The following MARCHF1 variants were observed in gnomAD, a reference collection of about 807,000 sequenced individuals.
The protein encoded by MARCHF1 is E3 ubiquitin-protein ligase MARCHF1.
A neutral mutation model predicts 54.2 loss-of-function variants in MARCHF1; 40 were observed. The ratio of observed to expected loss-of-function variants is 0.74; its 90% CI spans 0.57 to 0.96. The LOEUF is 0.96. Among genes scored for constraint, MARCHF1 ranks in the 40% least tolerant of loss-of-function variants. The probability of loss-of-function intolerance (pLI) is 0.00; values close to 1 mark genes in which losing one functional copy is unlikely to be tolerated. For synonymous variants in MARCHF1, 236 were observed against 236.3 expected (o/e 1.00, Z 0.01); for missense variants, 586 against 656.5 (o/e 0.89, Z 1.17).
chr4:163,793,810 T>C (rs547779107), intron 4 of MARCHF1, among the ~76,000 whole-genome samples: 1 of 152,252 alleles, frequency 6.6e-6, no homozygotes, highest in African/African-American at 2.4e-5. Context: ...ACGTACCCCC[T>C]GCTTGCTCAG....
In MARCHF1 at chr4:163,972,713, A is replaced by ATTT. The variant is rs34422259; in HGVS notation, c.-39+15785_-39+15787dup. The stretch of plus-strand genomic sequence containing the variant: ...AGGCGCCCGCCACCATGGCCGGCTA[A>ATTT]TTTTTTTTTTTTTTTTTGTATTTTT... On this transcript the variant is annotated intron_variant, in intron 3 of 9. Transcript: ENST00000514618. Among the ~76,000 whole-genome samples, 98 of 139,482 alleles carry ATTT rather than the reference A, an allele frequency of 7.0e-4. 1 individual carries two copies. The highest frequency in any genetic ancestry group is 1.9e-3 in the Admixed American group (27 of 13,880). The allele number at this position is 139,482 out of a possible 152,430, so 91.5% of individuals were successfully genotyped here.
intron 1 of MARCHF1, among the ~76,000 whole-genome samples, chr4:164,228,650 C>T (rs1451039439): frequency 6.6e-6 from 1 of 151,992 alleles, no homozygotes; most frequent in Non-Finnish European, 1.5e-5. Context: ...AATTCATGGC[C>T]CTTTACAATT....
chr4:163,964,072 C>T (rs1233186269), intron 3 of MARCHF1, among the ~76,000 whole-genome samples: 3 of 151,926 alleles, frequency 2.0e-5, no homozygotes, highest in Non-Finnish European at 2.9e-5. Context: ...CCCCAGAGCT[C>T]GAACAGGGTA....
intron 3 of MARCHF1, among the ~76,000 whole-genome samples, chr4:163,865,894 G>C (rs942946058): frequency 2.0e-5 from 3 of 151,476 alleles, no homozygotes; most frequent in Non-Finnish European, 4.4e-5. Flanking sequence ...ATTAAAAAAA[G>C]TCATCTACAA....
At chr4:163,862,062 A>C (rs1381113640) in intron 3 of MARCHF1, among the ~76,000 whole-genome samples, 1 of 152,090 alleles carries the variant, frequency 6.6e-6, no homozygotes, top group East Asian at 1.9e-4. Flanking sequence ...ACAAAAATTA[A>C]CTGAAAATGA....
chr4:163,829,460 T>C (rs1560775943), intron 4 of MARCHF1, among the ~76,000 whole-genome samples: 1 of 152,176 alleles, frequency 6.6e-6, no homozygotes, highest in Non-Finnish European at 1.5e-5. Flanking sequence ...CTATCCTATT[T>C]TGACTTATGC....
intron 5 of MARCHF1, among the ~76,000 whole-genome samples, chr4:163,641,942 G>A (rs962762800): frequency 1.3e-5 from 2 of 152,078 alleles, no homozygotes; most frequent in Non-Finnish European, 2.9e-5. Flanking sequence ...TAACACCTAT[G>A]TCTTCTGTCC....
In MARCHF1 at chr4:164,204,120, A is replaced by G. The variant is rs186136152; in HGVS notation, c.-322-92458T>C. 2.1e-3 allele frequency among the ~76,000 whole-genome samples: 314 copies of G among 152,198 alleles called. 8 individuals are homozygous for G. The highest frequency in any genetic ancestry group is 1.2e-4 in the Non-Finnish European group (8 of 67,994). On this transcript the variant is annotated intron_variant, in intron 1 of 9. Transcript: ENST00000514618. ...CTATATATGAGAAACAGGCTTGATT[A>G]TGTTTCTCTGTCTAAGCATAGTTGA...
chr4:163,930,250 A>G (rs887012674), intron 3 of MARCHF1, among the ~76,000 whole-genome samples: 2 of 151,352 alleles, frequency 1.3e-5, no homozygotes, highest in Non-Finnish European at 2.9e-5. Context: ...AAAAATAAAG[A>G]CACTGATATT....
At chr4:163,635,688 C>G (rs1428414163) in intron 5 of MARCHF1, among the ~76,000 whole-genome samples, 3 of 151,410 alleles carry the variant, frequency 2.0e-5, no homozygotes, top group Admixed American at 6.6e-5. Context: ...GGTACCATTC[C>G]TTCTGAAACT....
At chr4:164,227,940 T>G (rs1732305252) in intron 1 of MARCHF1, among the ~76,000 whole-genome samples, 1 of 152,190 alleles carries the variant, frequency 6.6e-6, no homozygotes, top group African/African-American at 2.4e-5. Flanking sequence ...TTCCCTTTAT[T>G]GCTTCCCAGA....
At chr4:163,889,973 G>A (rs1386424535) in intron 3 of MARCHF1, among the ~76,000 whole-genome samples, 1 of 138,892 alleles carries the variant, frequency 7.2e-6, no homozygotes, top group East Asian at 2.1e-4. Flanking sequence ...TGCCCAGGCT[G>A]GAGTGCAGTG....
chr4:163,767,694 T>C (rs577368809), intron 4 of MARCHF1, among the ~76,000 whole-genome samples: 2 of 152,292 alleles, frequency 1.3e-5, no homozygotes, highest in South Asian at 4.1e-4. Flanking sequence ...TTCCGCCTTA[T>C]GTTCTGATCT....
At chr4:163,679,095 G>T (rs1313936545) in intron 5 of MARCHF1, among the ~76,000 whole-genome samples, 1 of 152,190 alleles carries the variant, frequency 6.6e-6, no homozygotes, top group Admixed American at 6.5e-5. Context: ...ATTATGTGTA[G>T]TATTTGGCTC....
chr4:164,289,640 C>T (rs1179714260), intron 1 of MARCHF1, among the ~76,000 whole-genome samples: 1 of 148,560 alleles, frequency 6.7e-6, no homozygotes, highest in African/African-American at 2.5e-5. Flanking sequence ...ATTTAAGCAA[C>T]AGCGGTTATA....
At position 164,065,885 on chromosome 4, in the gene MARCHF1, G is replaced by A. The variant is rs553419594; in HGVS notation, c.-248+45703C>T. Among the ~76,000 whole-genome samples the A allele has an allele frequency of 2.6e-5, 4 of 152,322 alleles. No individual in the cohort carries two copies. In the South Asian group the frequency reaches 8.3e-4, roughly 32 times the overall value. On this transcript the variant is annotated intron_variant, in intron 2 of 9. Transcript: ENST00000514618. ...CGGTGTGGGAAAAATATAAGAGCCA[G>A]AAGATTCAGCAAGCCAGCTTATTCC... is the stretch of plus-strand genomic sequence containing the variant.
intron 2 of MARCHF1, among the ~76,000 whole-genome samples, chr4:164,095,423 C>G (rs894278511): frequency 6.6e-6 from 1 of 151,884 alleles, no homozygotes; most frequent in Non-Finnish European, 1.5e-5. Flanking sequence ...CAAACACACA[C>G]ACACACACAC....
intron 1 of MARCHF1, chr4:164,188,659 C>A: frequency 9.2e-7 from 1 of 1,091,480 alleles, no homozygotes; most frequent in Non-Finnish European, 1.4e-6. Context: ...CGGTCTTTGA[C>A]GCCAAGTGGC....
intron 1 of MARCHF1, among the ~76,000 whole-genome samples, chr4:164,172,763 G>T (rs990733520): frequency 7.2e-5 from 11 of 152,136 alleles, no homozygotes; most frequent in Non-Finnish European, 1.6e-4. Flanking sequence ...AAACCAAGAG[G>T]TCAGGAGACC....
Sources: gnomAD v4.1 joint callset for allele counts (sites outside exome capture counted in the v4.1 genomes callset) on GRCh38, gnomAD v4.1.1 for gene constraint, MANE v1.5 for transcripts, NCBI Gene and HGNC (gene_info 2026-07-23, HGNC 2026-07-21) for gene names.